The following FLRT2 variants were observed in gnomAD, a reference collection of about 807,000 sequenced individuals.
FLRT2 encodes the protein leucine-rich repeat transmembrane protein FLRT2.
In FLRT2, 15 loss-of-function variants were observed where a neutral mutation model predicts 40.0. The ratio of observed to expected loss-of-function variants is 0.38; its 90% CI spans 0.25 to 0.58. The LOEUF is 0.58. Among genes scored for constraint, FLRT2 ranks in the 20% least tolerant of loss-of-function variants. FLRT2 has a pLI of 0.71. For missense variants in FLRT2, 726 were observed against 840.0 expected (o/e 0.86, Z 1.68); for synonymous variants, 380 against 336.8 (o/e 1.13, Z -1.41).
chr14:85,565,275 CTGAG>C (rs1890567925), intron 1 of FLRT2, among the ~76,000 whole-genome samples: 1 of 152,096 alleles, frequency 6.6e-6, no homozygotes, highest in African/African-American at 2.4e-5. Context: ...TATTAATAAC[CTGAG>C]TATGTATGCA....
At chr14:85,570,962 A>G (rs1169433099) in intron 1 of FLRT2, among the ~76,000 whole-genome samples, 3 of 152,042 alleles carry the variant, frequency 2.0e-5, no homozygotes, top group African/African-American at 7.2e-5. Flanking sequence ...TTTGCACTTT[A>G]CTGAGTCAAG....
At position 85,641,345 on chromosome 14, in the gene FLRT2, C is replaced by T. The variant is rs1320670576; in HGVS notation, c.*17848C>T. 1 of 152,206 alleles carries T rather than the reference C, an allele frequency of 6.6e-6. No homozygotes were observed. The highest frequency in any genetic ancestry group is 1.5e-5 in the Non-Finnish European group (1 of 68,042). The allele number at this position is 152,206 out of a possible 1,614,324, so 9.4% of individuals were successfully genotyped here. A position where few individuals can be genotyped will look rare whatever the true frequency, so the allele number is the denominator to read the frequency against. ...TTGGATTCTATGTATAAATTAGGTT[C>T]TACCAATTACAGGCACGTGTGCAGG... is the stretch of plus-strand genomic sequence containing the variant. On this transcript the variant is annotated 3_prime_UTR_variant, in exon 2 of 2. Transcript: ENST00000330753.
intron 1 of FLRT2, among the ~76,000 whole-genome samples, chr14:85,619,973 T>A (rs1462992024): frequency 6.6e-6 from 1 of 152,164 alleles, no homozygotes; most frequent in Non-Finnish European, 1.5e-5. Context: ...GAAAAATAAT[T>A]TACCCCTAGT....
In FLRT2 at chr14:85,648,292, A is replaced by G. The variant is rs1054301584; in HGVS notation, c.*24795A>G. ...TTTAGTATTTGACATCTATTTTCAC[A>G]TCCTTCTAGGAGTCATCTTGTACTA... On this transcript the variant is annotated 3_prime_UTR_variant, in exon 2 of 2. Transcript: ENST00000330753. 6 of 152,144 alleles carry G rather than the reference A, an allele frequency of 3.9e-5. No individual in the cohort carries two copies. The highest frequency in any genetic ancestry group is 7.4e-5 in the Non-Finnish European group (5 of 68,022). The allele number at this position is 152,144 out of a possible 1,614,324, so 9.4% of individuals were successfully genotyped here.
rs575045194 is a variant in FLRT2, at chr14:85,628,995, T to A, written c.*5498T>A. ...ATCAGGCAAATCTTCTCCCTCACTATGTCCCTGAAGAAATCTCTTCATCTG... is the reference window on the plus strand; with the variant it reads ...ATCAGGCAAATCTTCTCCCTCACTAAGTCCCTGAAGAAATCTCTTCATCTG... On this transcript the variant is annotated 3_prime_UTR_variant, in exon 2 of 2. Coordinates refer to ENST00000330753, the MANE Select transcript of FLRT2 (RefSeq NM_013231.6). 1 of 152,340 alleles carries A rather than the reference T, an allele frequency of 6.6e-6. No homozygotes were observed. Among genetic ancestry groups the A allele is most frequent in the South Asian group, 2.1e-4 (1 of 4,824 alleles). 9.4% of individuals were successfully genotyped at this position (152,340 alleles called of 1,614,324 possible).
At chr14:85,558,487 G>T (rs567723058) in intron 1 of FLRT2, among the ~76,000 whole-genome samples, 125 of 152,304 alleles carry the variant, frequency 8.2e-4, no homozygotes, top group Non-Finnish European at 1.8e-4. Context: ...ATTATTAAAT[G>T]AAACAGTGGT....
In FLRT2 at chr14:85,581,964, G is replaced by A. The variant is rs552128709; in HGVS notation, c.-376-39175G>A. ...TTGAAAGGATGAAATCCTGACTCTGGTTGACAGCTGTGTCTGTAAACATGA... is the reference window on the plus strand; with the variant it reads ...TTGAAAGGATGAAATCCTGACTCTGATTGACAGCTGTGTCTGTAAACATGA... On this transcript the variant is annotated intron_variant, in intron 1 of 1. Coordinates refer to ENST00000330753, the MANE Select transcript of FLRT2 (RefSeq NM_013231.6). Among the ~76,000 whole-genome samples the A allele has an allele frequency of 1.7e-4, 26 of 152,260 alleles. No homozygotes were observed. In the East Asian group the frequency reaches 5.0e-3, roughly 29 times the overall value.
At chr14:85,592,743 C>G (rs563398534) in intron 1 of FLRT2, among the ~76,000 whole-genome samples, 1 of 146,902 alleles carries the variant, frequency 6.8e-6, no homozygotes, top group South Asian at 2.2e-4. Context: ...GAGCCGAGAT[C>G]GTCCCATTGC....
intron 1 of FLRT2, among the ~76,000 whole-genome samples, chr14:85,617,189 T>C (rs756260491): frequency 7.9e-5 from 12 of 152,122 alleles, no homozygotes; most frequent in Non-Finnish European, 1.2e-4. Context: ...ACTGGGGTAG[T>C]TGGAAGTGCA....
rs542352393 is a variant in FLRT2, at chr14:85,640,052, G to A, written c.*16555G>A. 1 of 152,078 alleles carries A rather than the reference G, an allele frequency of 6.6e-6. No individual in the cohort carries two copies. Among genetic ancestry groups the A allele is most frequent in the Non-Finnish European group, 1.5e-5 (1 of 68,092 alleles). The allele number at this position is 152,078 out of a possible 1,614,324, so 9.4% of individuals were successfully genotyped here. A position where few individuals can be genotyped will look rare whatever the true frequency, so the allele number is the denominator to read the frequency against. On this transcript the variant is annotated 3_prime_UTR_variant, in exon 2 of 2. Coordinates refer to ENST00000330753, the MANE Select transcript of FLRT2 (RefSeq NM_013231.6). ...TTTAGTAGAGACGAGGTTTCACCGT[G>A]TTAGCCAGGATGGTCTCGATTTCCT...
intron 1 of FLRT2, among the ~76,000 whole-genome samples, chr14:85,578,382 G>C (rs1476389342): frequency 2.0e-5 from 3 of 151,918 alleles, no homozygotes; most frequent in Non-Finnish European, 4.4e-5. Flanking sequence ...TAACTAGGCA[G>C]TGTAAAAGCA....
chr14:85,632,961 T>G lies in FLRT2; in HGVS notation c.*9464T>G, dbSNP rs1171829666. The G allele has an allele frequency of 6.6e-6, 1 of 152,186 alleles. No individual in the cohort carries two copies. Among genetic ancestry groups the G allele is most frequent in the African/African-American group, 2.4e-5 (1 of 41,430 alleles). The allele number at this position is 152,186 out of a possible 1,614,324, so 9.4% of individuals were successfully genotyped here. ...TGGTTGTCAGAATTAAAGGCATATA[T>G]AGTAGTTGACAGAGTATCTGGTACT... is the stretch of plus-strand genomic sequence containing the variant. On this transcript the variant is annotated 3_prime_UTR_variant, in exon 2 of 2. Coordinates refer to ENST00000330753, the MANE Select transcript of FLRT2 (RefSeq NM_013231.6).
chr14:85,533,106 A>G (rs550063419), intron 1 of FLRT2, among the ~76,000 whole-genome samples: 4 of 152,282 alleles, frequency 2.6e-5, no homozygotes, highest in Admixed American at 2.0e-4. Flanking sequence ...GCGCCTCCCA[A>G]GCATTCTTTA....
At chr14:85,604,378 C>T (rs944586118) in intron 1 of FLRT2, among the ~76,000 whole-genome samples, 7 of 152,052 alleles carry the variant, frequency 4.6e-5, no homozygotes, top group Admixed American at 2.0e-4. Context: ...CGCCAATGTG[C>T]TCATTTTATT....
At chr14:85,558,659 A>G (rs1013117410) in intron 1 of FLRT2, among the ~76,000 whole-genome samples, 1 of 152,236 alleles carries the variant, frequency 6.6e-6, no homozygotes, top group Non-Finnish European at 1.5e-5. Context: ...TTAAAATGAC[A>G]TCACAAAAGA....
At chr14:85,582,191 T>C (rs1204207649) in intron 1 of FLRT2, among the ~76,000 whole-genome samples, 3 of 152,206 alleles carry the variant, frequency 2.0e-5, no homozygotes, top group South Asian at 4.1e-4. Context: ...GATAGAATTC[T>C]GTTGAGTAGC....
chr14:85,630,128 C>T lies in FLRT2; in HGVS notation c.*6631C>T, dbSNP rs1893827319. 1 of 151,524 alleles carries T rather than the reference C, an allele frequency of 6.6e-6. No homozygotes were observed. Among genetic ancestry groups the T allele is most frequent in the Admixed American group, 6.6e-5 (1 of 15,182 alleles). 9.4% of individuals were successfully genotyped at this position (151,524 alleles called of 1,614,324 possible). ...TTCTGAATTTATGCTCTTTTTTTTT[C>T]CCATAACATAGATAAAAATGTGTGC... On this transcript the variant is annotated 3_prime_UTR_variant, in exon 2 of 2. Transcript: ENST00000330753.
chr14:85,553,350 G>A (rs1352839890), intron 1 of FLRT2, among the ~76,000 whole-genome samples: 1 of 152,150 alleles, frequency 6.6e-6, no homozygotes, highest in East Asian at 1.9e-4. Flanking sequence ...CTCTCTCAGT[G>A]AGGCTATGCT....
intron 1 of FLRT2, among the ~76,000 whole-genome samples, chr14:85,592,029 G>A (rs1891907956): frequency 6.6e-6 from 1 of 152,086 alleles, no homozygotes; most frequent in Admixed American, 6.6e-5. Context: ...AATTAACAAA[G>A]TAAATTACAA....
Sources: gnomAD v4.1 joint callset for allele counts (sites outside exome capture counted in the v4.1 genomes callset) on GRCh38, gnomAD v4.1.1 for gene constraint, MANE v1.5 for transcripts, NCBI Gene and HGNC (gene_info 2026-07-23, HGNC 2026-07-21) for gene names.